SIL1: variants seen among roughly 807,000 people sequenced by gnomAD.
The protein encoded by SIL1 is SIL1 nucleotide exchange factor.
SIL1 carries 40 observed loss-of-function variants against 49.1 expected under a neutral mutation model. That is an observed-to-expected ratio of 0.81 (90% CI 0.63 to 1.06). The LOEUF (loss-of-function observed/expected upper bound fraction) is 1.06, where lower values mean the gene tolerates loss of function less well. Ranked by LOEUF, SIL1 falls within the 50% of genes least tolerant of loss-of-function variation. SIL1 has a pLI of 0.00. For synonymous variants in SIL1, 253 were observed against 250.8 expected, an observed-to-expected ratio of 1.01 and a Z score of -0.08; for missense variants, 500 against 572.6, an observed-to-expected ratio of 0.87 and a Z score of 1.29.
chr5:139,080,668 A>G (rs937148053), intron 3 of SIL1, among the ~76,000 whole-genome samples: 1 of 152,206 alleles, frequency 6.6e-6, no homozygotes, highest in African/African-American at 2.4e-5. Flanking sequence ...TGTCCAGTAC[A>G]TGGTTAATCT....
At chr5:138,996,748 G>A (rs1012999938) in intron 7 of SIL1, among the ~76,000 whole-genome samples, 1 of 151,978 alleles carries the variant, frequency 6.6e-6, no homozygotes, top group Non-Finnish European at 1.5e-5. Flanking sequence ...TCGGTCTCTT[G>A]ACCTTGTGAT....
intron 3 of SIL1, among the ~76,000 whole-genome samples, chr5:139,113,340 AGTTTC>A (rs1425678403): frequency 1.0e-3 from 158 of 151,888 alleles, no homozygotes; most frequent in Non-Finnish European, 1.4e-3. Flanking sequence ...TAAAAAAAAA[AGTTTC>A]ACACCTTTAA....
chr5:138,960,680 T>A (rs967539802), intron 7 of SIL1, among the ~76,000 whole-genome samples: 3 of 152,250 alleles, frequency 2.0e-5, no homozygotes, highest in African/African-American at 7.2e-5. Context: ...GGTCTCGAAC[T>A]CCTGGCCTCA....
At chr5:139,170,873 G>A (rs1468130071) in intron 1 of SIL1, among the ~76,000 whole-genome samples, 10 of 149,522 alleles carry the variant, frequency 6.7e-5, no homozygotes, top group Non-Finnish European at 1.5e-5. Context: ...GAGGTGAGGG[G>A]CGCCTCTGCC....
At chr5:139,053,853 A>G (rs914810731) in intron 3 of SIL1, among the ~76,000 whole-genome samples, 1 of 152,244 alleles carries the variant, frequency 6.6e-6, no homozygotes, top group Non-Finnish European at 1.5e-5. Context: ...TCACAGCACC[A>G]TGAATCCTTT....
At chr5:139,153,851 T>C (rs1218203160) in intron 1 of SIL1, among the ~76,000 whole-genome samples, 1 of 152,206 alleles carries the variant, frequency 6.6e-6, no homozygotes, top group Non-Finnish European at 1.5e-5. Context: ...TTCCCAGTGC[T>C]CCTCTTTCCA....
chr5:138,961,892 G>A (rs924644371), intron 7 of SIL1, among the ~76,000 whole-genome samples: 11 of 148,372 alleles, frequency 7.4e-5, no homozygotes, highest in African/African-American at 2.5e-4. Flanking sequence ...GAGGCAGAGA[G>A]TTTTACCTTC....
At chr5:139,041,530 A>G (rs13163536) in intron 5 of SIL1, among the ~76,000 whole-genome samples, 65,630 of 151,962 alleles carry the variant, frequency 0.43, 15,312 homozygotes, top group African/African-American at 0.63. Flanking sequence ...AGTGCCCAGC[A>G]CGGTGGTTCA....
intron 4 of SIL1, among the ~76,000 whole-genome samples, chr5:139,050,453 T>C (rs1036966776): frequency 2.0e-5 from 3 of 152,252 alleles, no homozygotes; most frequent in Non-Finnish European, 2.9e-5. Flanking sequence ...CAGTGGAGAA[T>C]GGCAGTAGCT....
chr5:138,956,382 G>T (rs1178479298), intron 7 of SIL1, among the ~76,000 whole-genome samples: 5 of 152,186 alleles, frequency 3.3e-5, no homozygotes, highest in Non-Finnish European at 5.9e-5. Flanking sequence ...GAAATAGATG[G>T]GTTCAAGAGA....
chr5:139,110,070 G>C (rs1770809383), intron 3 of SIL1, among the ~76,000 whole-genome samples: 1 of 151,910 alleles, frequency 6.6e-6, no homozygotes, highest in South Asian at 2.1e-4. Context: ...TCAGGAGGCT[G>C]AGGCAGGAGA....
chr5:139,152,908 T>A (rs1180933143), intron 1 of SIL1, among the ~76,000 whole-genome samples: 1 of 152,136 alleles, frequency 6.6e-6, no homozygotes, highest in Non-Finnish European at 1.5e-5. Context: ...AACCTCTGCA[T>A]CCCAGGTTCA....
At chr5:139,133,458 GT>G (rs1750910454) in intron 1 of SIL1, 1 of 152,220 alleles carries the variant, frequency 6.6e-6, no homozygotes, top group Admixed American at 6.5e-5. Flanking sequence ...AAGACTGGGG[GT>G]GGGGATTGGG....
At chr5:138,980,906 A>C (rs1767503932) in intron 7 of SIL1, among the ~76,000 whole-genome samples, 1 of 152,064 alleles carries the variant, frequency 6.6e-6, no homozygotes, top group South Asian at 2.1e-4. Context: ...TCATGTTCTT[A>C]TGAGAGGTTC....
intron 7 of SIL1, among the ~76,000 whole-genome samples, chr5:139,020,354 G>A (rs564740989): frequency 3.3e-5 from 5 of 152,296 alleles, no homozygotes; most frequent in East Asian, 1.9e-4. Flanking sequence ...AAATCTTCTC[G>A]AAACAAAGCC....
chr5:139,188,250 A>C (rs1304126840), intron 1 of SIL1, among the ~76,000 whole-genome samples: 1 of 152,178 alleles, frequency 6.6e-6, no homozygotes, highest in South Asian at 2.1e-4. Flanking sequence ...AAGAAATAAG[A>C]GGGCGCTTCT....
chr5:139,115,273 G>C (rs1348258271), intron 3 of SIL1, among the ~76,000 whole-genome samples: 1 of 152,120 alleles, frequency 6.6e-6, no homozygotes, highest in Admixed American at 6.5e-5. Flanking sequence ...CTTTGACCCT[G>C]GTTCCTGGCT....
At chr5:139,178,779 T>C (rs1389182042) in intron 1 of SIL1, among the ~76,000 whole-genome samples, 3 of 152,120 alleles carry the variant, frequency 2.0e-5, no homozygotes, top group South Asian at 4.1e-4. Flanking sequence ...TTACTAACTT[T>C]GACATATTCA....
At chr5:138,966,492 C>T (rs940181699) in intron 7 of SIL1, among the ~76,000 whole-genome samples, 1 of 152,156 alleles carries the variant, frequency 6.6e-6, no homozygotes, top group African/African-American at 2.4e-5. Context: ...AGGCCATTTC[C>T]CTCGGCGGGC....
Sources: allele counts gnomAD v4.1 joint callset (sites outside exome capture counted in the v4.1 genomes callset), GRCh38; gene constraint gnomAD v4.1.1; transcripts MANE v1.5; gene names NCBI Gene and HGNC (gene_info 2026-07-23, HGNC 2026-07-21).